The following MYH9 variants were observed in gnomAD, a reference collection of about 807,000 sequenced individuals.
MYH9 encodes myosin heavy chain 9.
Under a neutral mutation model 241.9 loss-of-function variants are expected in MYH9, and 29 were observed. That is an observed-to-expected ratio of 0.12 (90% CI 0.09 to 0.16). The LOEUF (loss-of-function observed/expected upper bound fraction) is 0.16. MYH9 is among the 10% of genes least tolerant of loss of function. The probability of loss-of-function intolerance (pLI) is 1.00; values close to 1 mark genes in which losing one functional copy is unlikely to be tolerated. For missense variants in MYH9, 1,803 were observed against 2,595.5 expected, an observed-to-expected ratio of 0.69 and a Z score of 6.63; for synonymous variants, 1,047 against 1,062.6, an observed-to-expected ratio of 0.99 and a Z score of 0.29.
intron 1 of MYH9, among the ~76,000 whole-genome samples, chr22:36,361,296 G>GC (rs903685642): frequency 6.7e-6 from 1 of 150,374 alleles, no homozygotes; most frequent in African/African-American, 2.5e-5. Flanking sequence ...GGAACTTAGT[G>GC]CCCGGGCCCC....
intron 1 of MYH9, among the ~76,000 whole-genome samples, chr22:36,366,115 G>A (rs2018006358): frequency 6.6e-6 from 1 of 152,104 alleles, no homozygotes; most frequent in Admixed American, 6.5e-5. Context: ...TTGAACCTGG[G>A]AGGCAGAATT....
intron 7 of MYH9, among the ~76,000 whole-genome samples, chr22:36,321,499 C>G (rs926614553): frequency 6.6e-6 from 1 of 152,190 alleles, no homozygotes; most frequent in Admixed American, 6.5e-5. Flanking sequence ...ACGCCTACCT[C>G]TGGGAGCCAC....
At position 36,305,594 on chromosome 22, in the gene MYH9, T is replaced by G. The variant is rs529078628; in HGVS notation, c.2159+336A>C. Reference sequence around the variant, plus strand: ...ACGGCCGTGTTTCATTTCCACAAAGTTCCTGTAATATCCTAGGTCTCTGGC... The same window carrying G: ...ACGGCCGTGTTTCATTTCCACAAAGGTCCTGTAATATCCTAGGTCTCTGGC... On this transcript the variant is annotated intron_variant, in intron 17 of 40. Coordinates refer to ENST00000216181, the MANE Select transcript of MYH9 (RefSeq NM_002473.6). The surrounding 1 kb of genome is among the most constrained non-coding windows in gnomAD (Gnocchi z 4.7). Among the ~76,000 whole-genome samples, 35 of 152,352 alleles carry G rather than the reference T, an allele frequency of 2.3e-4. No individual in the cohort carries two copies. The highest frequency in any genetic ancestry group is 7.2e-4 in the African/African-American group (30 of 41,580).
In MYH9 at chr22:36,300,764, C is replaced by A; in HGVS notation, c.2838+87G>T. 1 of 1,485,870 alleles carries A rather than the reference C, an allele frequency of 6.7e-7. No individual in the cohort carries two copies. The highest frequency in any genetic ancestry group is 1.1e-5 in the South Asian group (1 of 87,548). The allele number at this position is 1,485,870 out of a possible 1,614,324, so 92.0% of individuals were successfully genotyped here. On this transcript the variant is annotated intron_variant, in intron 22 of 40. Coordinates refer to ENST00000216181, the MANE Select transcript of MYH9 (RefSeq NM_002473.6). The surrounding 1 kb of genome is among the most constrained non-coding windows in gnomAD (Gnocchi z 5.0). Reference sequence around the variant, plus strand: ...GGAGCAGCCTCCTTGGACCCTAATTCCATGTTCTCCCAGCTCCTGGTTCCT... The same window carrying A: ...GGAGCAGCCTCCTTGGACCCTAATTACATGTTCTCCCAGCTCCTGGTTCCT...
At chr22:36,313,366 G>A (rs1349688954) in intron 13 of MYH9, among the ~76,000 whole-genome samples, 22 of 147,530 alleles carry the variant, frequency 1.5e-4, no homozygotes, top group Non-Finnish European at 3.0e-4. Context: ...GCAGGAGAAT[G>A]GCATGAACCC....
chr22:36,296,860 G>A lies in MYH9; in HGVS notation c.3255C>T (p.Leu1085=), dbSNP rs142427583. The change falls in exon 25 of 41, where the codon CTC becomes CTT. Residue 1085 remains leucine (L), a synonymous_variant. Coordinates refer to ENST00000216181, the MANE Select transcript of MYH9 (RefSeq NM_002473.6). ...KMQLAKKEEE[L]QAALARVEEE... is the part of the protein sequence containing the mutation. ...GTCCTCACCTGGCCAGGGCGGCCTG[G>A]AGCTCCTCCTCTTTCTTGGCCAGCT... The A allele has an allele frequency of 3.8e-5, 61 of 1,611,642 alleles. No homozygotes were observed. In the African/African-American group the frequency reaches 6.3e-4, roughly 17 times the overall value.
chr22:36,341,973 A>G (rs946309829), intron 2 of MYH9, among the ~76,000 whole-genome samples: 3 of 152,242 alleles, frequency 2.0e-5, no homozygotes, highest in Admixed American at 2.0e-4. Flanking sequence ...GGACGCTGAG[A>G]GATAGTGAAG....
rs535053165 is a variant in MYH9 at position 36,341,576 on chromosome 22, G to C, written c.334-50C>G. ...AACAGGTTAGGAAGTTTGATTCTCA[G>C]TAGTGTACAAACTTTGTAGCAAAAT... On this transcript the variant is annotated intron_variant, in intron 2 of 40. Coordinates refer to ENST00000216181, the MANE Select transcript of MYH9 (RefSeq NM_002473.6). 13 of 1,600,642 alleles carry C rather than the reference G, an allele frequency of 8.1e-6. No homozygotes were observed. In the African/African-American group the frequency reaches 1.3e-4, roughly 16 times the overall value.
At position 36,368,769 on chromosome 22, in the gene MYH9, A is replaced by G. The variant is rs1324781854; in HGVS notation, c.-20+19038T>C. Reference sequence around the variant, plus strand: ...AGCCTGGAGTTGTCTCTGACTCCCAACCACAACCAATTCGGAATGCCCCAG... The same window carrying G: ...AGCCTGGAGTTGTCTCTGACTCCCAGCCACAACCAATTCGGAATGCCCCAG... On this transcript the variant is annotated intron_variant, in intron 1 of 40. Transcript: ENST00000216181. Among the ~76,000 whole-genome samples the G allele has an allele frequency of 3.9e-5, 6 of 152,004 alleles. No individual in the cohort carries two copies. In the East Asian group the frequency reaches 1.2e-3, roughly 29 times the overall value.
At chr22:36,315,994 C>T (rs1445363272) in intron 12 of MYH9, among the ~76,000 whole-genome samples, 1 of 151,096 alleles carries the variant, frequency 6.6e-6, no homozygotes, top group Non-Finnish European at 1.5e-5. Context: ...GCTATGACTG[C>T]ACCTCTGTAC....
chr22:36,302,491 T>C lies in MYH9; in HGVS notation c.2499+77A>G, dbSNP rs955844880. ...GGTGAGACCACACCTCTACAAAAAA[T>C]ACAAACAATTAGCCAGGTATGTATG... On this transcript the variant is annotated intron_variant, in intron 20 of 40. Transcript: ENST00000216181. 61 of 1,302,782 alleles carry C rather than the reference T, an allele frequency of 4.7e-5. 1 individual carries two copies. In the East Asian group the frequency reaches 1.4e-3, roughly 29 times the overall value. 80.7% of individuals were successfully genotyped at this position (1,302,782 alleles called of 1,614,324 possible).
chr22:36,366,395 G>A (rs1377173597), intron 1 of MYH9, among the ~76,000 whole-genome samples: 4 of 151,916 alleles, frequency 2.6e-5, no homozygotes, highest in African/African-American at 7.3e-5. Context: ...GTGGGGGGTC[G>A]GGGGGAGTGT....
chr22:36,314,001 T>A lies in MYH9; in HGVS notation c.1554+144A>T. 3.6e-6 allele frequency: 4 copies of A among 1,098,260 alleles called. No homozygotes were observed. The South Asian group carries it at 5.3e-5, about 15-fold the overall frequency. The allele number at this position is 1,098,260 out of a possible 1,614,324, so 68.0% of individuals were successfully genotyped here. ...GCCTCCCAGGCACTGGATCTCAGCCTTGGGGCTTCATCCTCCGGGTGGCAC... is the reference window on the plus strand; with the variant it reads ...GCCTCCCAGGCACTGGATCTCAGCCATGGGGCTTCATCCTCCGGGTGGCAC... On this transcript the variant is annotated intron_variant, in intron 13 of 40. Transcript: ENST00000216181.
chr22:36,292,153 C>A lies in MYH9; in HGVS notation c.4177G>T (p.Asp1393Tyr), dbSNP rs534834747. Residue 1393 changes from aspartate to tyrosine, a missense_variant, in exon 31 of 41, where the codon GAC (aspartate) becomes TAC (tyrosine). Physicochemically the swap from Asp to Tyr is radical, Grantham distance 160. This residue lies in a region of MYH9 where 876 missense variants were observed against 1,077.8 expected (regional missense o/e 0.81). Transcript: ENST00000216181. ...AEEVKRKLQK[D>Y]LEGLSQRHEE... ...TGCCGCTGGCTCAGGCCCTCCAGGT[C>A]CTTCTGGAGCTTCCTCTTCACCTCC... is the stretch of plus-strand genomic sequence containing the variant. 4 of 1,614,200 alleles carry A rather than the reference C, an allele frequency of 2.5e-6. No individual in the cohort carries two copies. The African/African-American group carries it at 5.3e-5, about 22-fold the overall frequency.
chr22:36,330,057 A>C lies in MYH9; in HGVS notation c.491-2569T>G, dbSNP rs2017398424. Among the ~76,000 whole-genome samples the C allele has an allele frequency of 6.6e-6, 1 of 152,250 alleles. No individual in the cohort carries two copies. Among genetic ancestry groups the C allele is most frequent in the Non-Finnish European group, 1.5e-5 (1 of 68,038 alleles). On this transcript the variant is annotated intron_variant, in intron 3 of 40. Coordinates refer to ENST00000216181, the MANE Select transcript of MYH9 (RefSeq NM_002473.6). The surrounding 1 kb of genome is among the most constrained non-coding windows in gnomAD (Gnocchi z 4.5). The stretch of plus-strand genomic sequence containing the variant: ...CATAGCCATGCACACACACGGATGT[A>C]TGCACAGGCACACACACTTCAAATT...
In MYH9 at chr22:36,288,221, C is replaced by G. The variant is rs1205983020; in HGVS notation, c.4932+31G>C. Reference sequence around the variant, plus strand: ...TGTAGTTGGCTCAGTCGGGTGCCGCCCACCCTCACCTGGGCCCCGCCCACC... The same window carrying G: ...TGTAGTTGGCTCAGTCGGGTGCCGCGCACCCTCACCTGGGCCCCGCCCACC... On this transcript the variant is annotated intron_variant, in intron 34 of 40. Transcript: ENST00000216181. The surrounding 1 kb of genome is among the most constrained non-coding windows in gnomAD (Gnocchi z 4.8). 1 of 1,612,322 alleles carries G rather than the reference C, an allele frequency of 6.2e-7. No individual in the cohort carries two copies. The highest frequency in any genetic ancestry group is 8.5e-7 in the Non-Finnish European group (1 of 1,179,812).
chr22:36,294,025 T>C lies in MYH9; in HGVS notation c.3837+67A>G, dbSNP rs377218433. 3.6e-5 allele frequency: 57 copies of C among 1,566,450 alleles called. 1 individual carries two copies. The African/African-American group carries it at 4.7e-4, about 13-fold the overall frequency. On this transcript the variant is annotated intron_variant, in intron 28 of 40. Coordinates refer to ENST00000216181, the MANE Select transcript of MYH9 (RefSeq NM_002473.6). ...GAGAGACAGAGAGCACACATGCACC[T>C]GGGGACCTGGGCCACAACTGCTGCT...
In MYH9 at chr22:36,288,829, C is replaced by T; in HGVS notation, c.4668G>A (p.Leu1556=). ...DELQATEDAK[L]RLEVNLQAMK... ...TGGCCTGCAGGTTGACCTCCAACCG[C>T]AGCTTGGCATCTTCGGTGGCCTGCA... Residue 1556 remains leucine (L), a synonymous_variant, in exon 33 of 41, where the codon CTG becomes CTA. Coordinates refer to ENST00000216181, the MANE Select transcript of MYH9 (RefSeq NM_002473.6). This position sits in a 1 kb window ranked among gnomAD's most constrained non-coding sequence, Gnocchi z 4.8. 6.2e-7 allele frequency: 1 copy of T among 1,613,726 alleles called. No individual in the cohort carries two copies. The highest frequency in any genetic ancestry group is 8.5e-7 in the Non-Finnish European group (1 of 1,179,992).
At chr22:36,317,970 T>C (rs2017185573) in intron 11 of MYH9, among the ~76,000 whole-genome samples, 1 of 152,238 alleles carries the variant, frequency 6.6e-6, no homozygotes, top group Admixed American at 6.5e-5. Flanking sequence ...AGAGGCACAA[T>C]GCAGTCTCAG....
Sources: allele counts gnomAD v4.1 joint callset (sites outside exome capture counted in the v4.1 genomes callset), GRCh38; gene constraint gnomAD v4.1.1; regional missense constraint gnomAD v4.1.1; non-coding constraint Gnocchi (gnomAD v3.1); transcripts MANE v1.5; gene names NCBI Gene and HGNC (gene_info 2026-07-23, HGNC 2026-07-21).